The following SLC25A1 variants were observed in gnomAD, a reference collection of about 807,000 sequenced individuals.
The protein encoded by SLC25A1 is solute carrier family 25 member 1, also known as tricarboxylate transport protein, mitochondrial.
In SLC25A1, 26 loss-of-function variants were observed where a neutral mutation model predicts 38.1. That is an observed-to-expected ratio of 0.68 (90% CI 0.50 to 0.95). SLC25A1 has a LOEUF of 0.95. SLC25A1 is among the 40% of genes least tolerant of loss of function. The probability of loss-of-function intolerance (pLI) is 0.00; values close to 1 mark genes in which losing one functional copy is unlikely to be tolerated. For missense variants in SLC25A1, 378 were observed against 426.6 expected (o/e 0.89, Z 1.00); for synonymous variants, 211 against 183.2 (o/e 1.15, Z -1.23).
Position 19,176,598 on chromosome 22 carries a change from C to T in SLC25A1, c.727G>A (p.Val243Met), listed in dbSNP as rs138297066. 8.1e-6 allele frequency: 13 copies of T among 1,613,842 alleles called. No homozygotes were observed. Among genetic ancestry groups the T allele is most frequent in the Non-Finnish European group, 1.1e-5 (13 of 1,179,906 alleles). The change falls in exon 7 of 9, where the codon GTG (valine) becomes ATG (methionine). Residue 243 changes from valine to methionine, a missense_variant. Transcript: ENST00000215882. ...ASVFGNTPLD[V>M]IKTRMQGLEA... ...ACCACCTGCATCCGGGTCTTAATCA[C>T]ATCCAGAGGAGTGTTTCCAAAGACA... is the stretch of plus-strand genomic sequence containing the variant.
intron 4 of SLC25A1, 37 bp downstream of exon 4, chr22:19,177,690 C>T: frequency 6.2e-7 from 1 of 1,601,882 alleles, no homozygotes; most frequent in Non-Finnish European, 8.5e-7. Flanking sequence ...CTCCGTACTC[C>T]CTGCGTGTCC....
At position 19,176,461 on chromosome 22, in the gene SLC25A1, C is replaced by G; in HGVS notation, c.781G>C (p.Asp261His). The change falls in exon 8 of 9, where the codon GAC becomes CAC. Residue 261 changes from aspartate to histidine, a missense_variant. By Grantham distance (81) the Asp-to-His change is moderately conservative (BLOSUM62 -1). Coordinates refer to ENST00000215882, the MANE Select transcript of SLC25A1 (RefSeq NM_005984.5). Reference sequence around the variant, plus strand: ...TTCTTCAGGATCTGCAAGCCGCAGTCCCACGTGTTCCGGTATTTGTGCGCC... The same window carrying G: ...TTCTTCAGGATCTGCAAGCCGCAGTGCCACGTGTTCCGGTATTTGTGCGCC... The part of the protein sequence containing the change: ...LEAHKYRNTW[D>H]CGLQILKKEG... 5.0e-6 allele frequency: 8 copies of G among 1,613,904 alleles called. No homozygotes were observed. The highest frequency in any genetic ancestry group is 6.8e-6 in the Non-Finnish European group (8 of 1,180,028).
At chr22:19,177,371 C>A (rs1555922691) in intron 4 of SLC25A1, among the ~76,000 whole-genome samples, 167 bp from the exon 5 acceptor site, 1 of 149,242 alleles carries the variant, frequency 6.7e-6, no homozygotes, top group Non-Finnish European at 1.5e-5. Context: ...TGCCCCGGGA[C>A]ACAGGGCAGC....
At position 19,176,453 on chromosome 22, in the gene SLC25A1, G is replaced by GCCGCAGTCCCACGTGTT; in HGVS notation, c.772_788dup (p.Leu264ThrfsTer10). 2 of 1,613,842 alleles carry GCCGCAGTCCCACGTGTT rather than the reference G, an allele frequency of 1.2e-6. No homozygotes were observed. The highest frequency in any genetic ancestry group is 1.1e-5 in the South Asian group (1 of 91,090). ...GCCCCTCCTTCTTCAGGATCTGCAA[G>GCCGCAGTCCCACGTGTT]CCGCAGTCCCACGTGTTCCGGTATT... On this transcript the variant is annotated frameshift_variant, in exon 8 of 9. Coordinates refer to ENST00000215882, the MANE Select transcript of SLC25A1 (RefSeq NM_005984.5). LOFTEE classifies it high-confidence loss of function.
Position 19,177,212 on chromosome 22 carries a change from AGAG to A in SLC25A1, c.442-11_442-9del. On this transcript the variant is annotated splice_polypyrimidine_tract_variant and intron_variant, in intron 4 of 8. Transcript: ENST00000215882. ...GTCGTGGATGAACTTCACCTGAGAGAGAGAAGCAAAGGCGCAGGTTCTCGGCTG... is the reference window on the plus strand; with the variant it reads ...GTCGTGGATGAACTTCACCTGAGAGAAAGCAAAGGCGCAGGTTCTCGGCTG... The A allele has an allele frequency of 6.2e-7, 1 of 1,612,914 alleles. No individual in the cohort carries two copies. Among genetic ancestry groups the A allele is most frequent in the Non-Finnish European group, 8.5e-7 (1 of 1,179,094 alleles).
chr22:19,176,883 G>C lies in SLC25A1; in HGVS notation c.594C>G (p.Arg198=), dbSNP rs1569129590. 2 of 1,613,902 alleles carry C rather than the reference G, an allele frequency of 1.2e-6. No individual in the cohort carries two copies. The highest frequency in any genetic ancestry group is 1.7e-6 in the Non-Finnish European group (2 of 1,180,022). The change falls in exon 6 of 9, where the codon CGC becomes CGG. Residue 198 remains arginine (R), a synonymous_variant. Transcript: ENST00000215882. ...VLKQGSNQAI[R]FFVMTSLRNW... ...TGCGCAGGGAGGTCATGACGAAGAA[G>C]CGGATGGCCTGGTTCGAGCCCTGCT...
At position 19,178,371 on chromosome 22, in the gene SLC25A1, G is replaced by C. The variant is rs2276468; in HGVS notation, c.95-131C>G. ...CGGGGAACATAGGCTGGGGCCCCAC[G>C]CCCCCATGCCCTCACCCCGTTGTCC... On this transcript the variant is annotated intron_variant, in intron 1 of 8. Transcript: ENST00000215882. The surrounding 1 kb of genome is among the most constrained non-coding windows in gnomAD (Gnocchi z 4.9). 2,577 of 1,448,018 alleles carry C rather than the reference G, an allele frequency of 1.8e-3. 74 individuals are homozygous for C. The East Asian group carries it at 0.062, about 35-fold the overall frequency. 89.7% of individuals were successfully genotyped at this position (1,448,018 alleles called of 1,614,324 possible).
intron 4 of SLC25A1, 44 bp downstream of exon 4, chr22:19,177,683 C>T (rs781925798): frequency 3.1e-6 from 5 of 1,600,156 alleles, no homozygotes; most frequent in Middle Eastern, 2.3e-4. Flanking sequence ...CGCCCGTCTC[C>T]GTACTCCCTG....
intron 8 of SLC25A1, 78 bp from the exon 9 acceptor site, chr22:19,176,322 G>A (rs1284793079): frequency 1.9e-6 from 3 of 1,556,826 alleles, no homozygotes; most frequent in African/African-American, 2.7e-5. Flanking sequence ...AGATACTGAA[G>A]TGAGAGGCAC....
chr22:19,178,277 C>T lies in SLC25A1; in HGVS notation c.95-37G>A, dbSNP rs1406358783. On this transcript the variant is annotated intron_variant, in intron 1 of 8. Coordinates refer to ENST00000215882, the MANE Select transcript of SLC25A1 (RefSeq NM_005984.5). This position sits in a 1 kb window ranked among gnomAD's most constrained non-coding sequence, Gnocchi z 4.9. ...GGGAACCCGCTCCTGAGACTCCCGC[C>T]CGGCCGCTGGCGCTCGGGCCCCTCC... is the stretch of plus-strand genomic sequence containing the variant. The T allele has an allele frequency of 7.8e-6, 12 of 1,540,658 alleles. 1 individual carries two copies. Among genetic ancestry groups the T allele is most frequent in the Admixed American group, 2.0e-5 (1 of 50,430 alleles).
Position 19,177,169 on chromosome 22 carries a change from G to T in SLC25A1, c.477C>A (p.Pro159=). ...CCCCGTGGAAGAATCCTCTGTACTT[G>T]GGGTTTGGGGAGGTCTGGTCGTGGA... The part of the protein sequence containing the change: ...KFIHDQTSPN[P]KYRGFFHGVR... The change falls in exon 5 of 9, where the codon CCC becomes CCA. Residue 159 remains proline (P), a synonymous_variant. Transcript: ENST00000215882. 1 of 1,614,056 alleles carries T rather than the reference G, an allele frequency of 6.2e-7. No individual in the cohort carries two copies. The highest frequency in any genetic ancestry group is 8.5e-7 in the Non-Finnish European group (1 of 1,179,956).
Position 19,178,023 on chromosome 22 carries a change from G to A in SLC25A1, c.221C>T (p.Thr74Met). ...GCCCAGGACGCCATGGCTGCGAACC[G>A]TCTGCCGCACGCAGTCCCCTGGGGG... ...YRGIGDCVRQ[T>M]VRSHGVLGLY... The change falls in exon 3 of 9, where the codon ACG (threonine) becomes ATG (methionine). Residue 74 changes from threonine to methionine, a missense_variant. Physicochemically the swap from Thr to Met is moderately conservative, Grantham distance 81. Transcript: ENST00000215882. This position sits in a 1 kb window ranked among gnomAD's most constrained non-coding sequence, Gnocchi z 4.9. 3 of 1,596,306 alleles carry A rather than the reference G, an allele frequency of 1.9e-6. No homozygotes were observed. Among genetic ancestry groups the A allele is most frequent in the Non-Finnish European group, 2.6e-6 (3 of 1,173,896 alleles).
chr22:19,178,001 C>T lies in SLC25A1; in HGVS notation c.243G>A (p.Leu81=). 6.2e-7 allele frequency: 1 copy of T among 1,603,410 alleles called. No homozygotes were observed. The highest frequency in any genetic ancestry group is 8.5e-7 in the Non-Finnish European group (1 of 1,176,872). The change falls in exon 3 of 9, where the codon CTG becomes CTA. Residue 81 remains leucine (L), a synonymous_variant. Transcript: ENST00000215882. The surrounding 1 kb of genome is among the most constrained non-coding windows in gnomAD (Gnocchi z 4.9). ...VRQTVRSHGV[L]GLYRGLSSLL... ...GGGAGCTAAGGCCGCGGTACAGGCC[C>T]AGGACGCCATGGCTGCGAACCGTCT...
Position 19,176,706 on chromosome 22 carries a change from G to GGGGTGAGGT in SLC25A1, c.632-22_632-14dup. 1 of 1,609,512 alleles carries GGGGTGAGGT rather than the reference G, an allele frequency of 6.2e-7. No individual in the cohort carries two copies. Among genetic ancestry groups the GGGGTGAGGT allele is most frequent in the African/African-American group, 1.3e-5 (1 of 74,974 alleles). Reference sequence around the variant, plus strand: ...TTGGGGTTGTCCCCTGGATATAGGAGGGGTGAGGTGGGTCAGAGGGTGCCG... The same window carrying GGGGTGAGGT: ...TTGGGGTTGTCCCCTGGATATAGGAGGGGTGAGGTGGGTGAGGTGGGTCAGAGGGTGCCG... On this transcript the variant is annotated splice_polypyrimidine_tract_variant and intron_variant, in intron 6 of 8. Transcript: ENST00000215882.
At position 19,177,806 on chromosome 22, in the gene SLC25A1, C is replaced by CT. The variant is rs1555922991; in HGVS notation, c.361dup (p.Ser121LysfsTer49). The CT allele has an allele frequency of 6.2e-7, 1 of 1,610,848 alleles. No individual in the cohort carries two copies. The highest frequency in any genetic ancestry group is 2.2e-5 in the East Asian group (1 of 44,850). Reference sequence around the variant, plus strand: ...CAGGCCGCACAGCAGCCCACGCGTGCTGTCCAGCCGTCCCTGGGCATCCCG... The same window carrying CT: ...CAGGCCGCACAGCAGCCCACGCGTGCTTGTCCAGCCGTCCCTGGGCATCCCG... On this transcript the variant is annotated frameshift_variant, in exon 4 of 9. Coordinates refer to ENST00000215882, the MANE Select transcript of SLC25A1 (RefSeq NM_005984.5). LOFTEE classifies it high-confidence loss of function.
Position 19,176,874 on chromosome 22 carries a change from G to C in SLC25A1, c.603C>G (p.Val201=). 1.9e-6 allele frequency: 3 copies of C among 1,613,906 alleles called. No homozygotes were observed. The highest frequency in any genetic ancestry group is 2.5e-6 in the Non-Finnish European group (3 of 1,180,018). ...GGTACCAGTTGCGCAGGGAGGTCAT[G>C]ACGAAGAAGCGGATGGCCTGGTTCG... ...QGSNQAIRFF[V]MTSLRNWYRG... The change falls in exon 6 of 9, where the codon GTC becomes GTG. Residue 201 remains valine (V), a synonymous_variant. Coordinates refer to ENST00000215882, the MANE Select transcript of SLC25A1 (RefSeq NM_005984.5).
chr22:19,176,418 C>G lies in SLC25A1; in HGVS notation c.821+3G>C. 6.2e-7 allele frequency: 1 copy of G among 1,613,496 alleles called. No homozygotes were observed. The highest frequency in any genetic ancestry group is 8.5e-7 in the Non-Finnish European group (1 of 1,179,900). Reference sequence around the variant, plus strand: ...ACAATAGCCCTGCCCCTCCCCCACTCACGCCTTGAGCCCCTCCTTCTTCAG... The same window carrying G: ...ACAATAGCCCTGCCCCTCCCCCACTGACGCCTTGAGCCCCTCCTTCTTCAG... On this transcript the variant is annotated splice_donor_region_variant and intron_variant, in intron 8 of 8. Coordinates refer to ENST00000215882, the MANE Select transcript of SLC25A1 (RefSeq NM_005984.5).
chr22:19,177,305 A>G, intron 4 of SLC25A1, 101 bp from the exon 5 acceptor site: 2 of 964,336 alleles, frequency 2.1e-6, no homozygotes, highest in Non-Finnish European at 3.2e-6. Context: ...GGAACTGGGA[A>G]CTCTTCCCCA....
In SLC25A1 at chr22:19,177,732, T is replaced by C. The variant is rs782618631; in HGVS notation, c.436A>G (p.Ile146Val). ...CTCGCCAGGACCTTCCCCACCTTGA[T>C]GGTCTCCATGGGGCACACGACCACC... ...AVVVVCPMET[I>V]KVKFIHDQTS... Residue 146 changes from isoleucine (I) to valine (V), a missense_variant, in exon 4 of 9, where the codon ATC (isoleucine) becomes GTC (valine). Physicochemically the swap from Ile to Val is conservative, Grantham distance 29. Coordinates refer to ENST00000215882, the MANE Select transcript of SLC25A1 (RefSeq NM_005984.5). 1.2e-6 allele frequency: 2 copies of C among 1,607,570 alleles called. No homozygotes were observed. Among genetic ancestry groups the C allele is most frequent in the Non-Finnish European group, 8.5e-7 (1 of 1,179,464 alleles).
Sources: allele counts gnomAD v4.1 joint callset (sites outside exome capture counted in the v4.1 genomes callset), GRCh38; gene constraint gnomAD v4.1.1; non-coding constraint Gnocchi (gnomAD v3.1); transcripts MANE v1.5; gene names NCBI Gene and HGNC (gene_info 2026-07-23, HGNC 2026-07-21).